Variants in GMDS observed in about 807,000 individuals in gnomAD.
GMDS encodes the protein GDP-mannose 4,6-dehydratase.
Under a neutral mutation model 49.9 loss-of-function variants are expected in GMDS, and 20 were observed. That is an observed-to-expected ratio of 0.40 (90% confidence interval 0.28 to 0.58). The LOEUF (loss-of-function observed/expected upper bound fraction) is 0.58, where lower values mean the gene tolerates loss of function less well. Among genes scored for constraint, GMDS ranks in the 20% least tolerant of loss-of-function variants. The pLI, the probability that GMDS is intolerant of heterozygous loss-of-function variation, is 0.42. For missense variants in GMDS, 362 were observed against 481.4 expected, an observed-to-expected ratio of 0.75 and a Z score of 2.32; for synonymous variants, 177 against 178.6, an observed-to-expected ratio of 0.99 and a Z score of 0.07.
intron 7 of GMDS, among the ~76,000 whole-genome samples, chr6:1,841,130 A>G (rs1757136353): frequency 6.6e-6 from 1 of 152,188 alleles, no homozygotes; most frequent in Non-Finnish European, 1.5e-5. Context: ...ATAGTGATAT[A>G]AAAAGATCCT....
chr6:1,729,706 G>A (rs929705169), intron 8 of GMDS, among the ~76,000 whole-genome samples: 2 of 152,236 alleles, frequency 1.3e-5, no homozygotes, highest in African/African-American at 4.8e-5. Flanking sequence ...TGACAGAGAG[G>A]AGAGGATTCG....
intron 7 of GMDS, among the ~76,000 whole-genome samples, chr6:1,804,855 T>C (rs1439692033): frequency 1.3e-5 from 2 of 152,358 alleles, no homozygotes; most frequent in East Asian, 3.9e-4. Flanking sequence ...AAGTCATCTC[T>C]GCCAAACTTT....
intron 4 of GMDS, among the ~76,000 whole-genome samples, chr6:2,090,756 C>A (rs1773272884): frequency 6.6e-6 from 1 of 152,142 alleles, no homozygotes; most frequent in Non-Finnish European, 1.5e-5. Context: ...TCTTCTGCAA[C>A]TGAAGTGGAA....
intron 1 of GMDS, among the ~76,000 whole-genome samples, chr6:2,202,556 G>A (rs897787631): frequency 6.6e-6 from 1 of 152,052 alleles, no homozygotes; most frequent in Admixed American, 6.6e-5. Flanking sequence ...TGCAGAGGAG[G>A]GGACAGGCTG....
chr6:2,098,444 T>A (rs559157942), intron 4 of GMDS, among the ~76,000 whole-genome samples: 1 of 152,222 alleles, frequency 6.6e-6, no homozygotes, highest in Non-Finnish European at 1.5e-5. Flanking sequence ...TTAGCTATCA[T>A]AGATTAACAA....
At chr6:2,240,465 A>G (rs1461797508) in intron 1 of GMDS, among the ~76,000 whole-genome samples, 1 of 152,168 alleles carries the variant, frequency 6.6e-6, no homozygotes, top group Non-Finnish European at 1.5e-5. Context: ...AGAGCTAAGC[A>G]GTAATTCAAA....
chr6:2,040,139 A>G (rs567758789), intron 4 of GMDS, among the ~76,000 whole-genome samples: 16 of 152,298 alleles, frequency 1.1e-4, no homozygotes, highest in African/African-American at 3.6e-4. Flanking sequence ...TCTAAGCCCA[A>G]TGGCTCCTCA....
chr6:1,640,095 G>A lies in GMDS; in HGVS notation c.988-15555C>T, dbSNP rs146346295. ...CTCCTGCCACTGCACAGTCAGTGAC[G>A]GCTCTACTGGGGCCCAGGGGATGCA... On this transcript the variant is annotated intron_variant, in intron 9 of 10. Coordinates refer to ENST00000380815, the MANE Select transcript of GMDS (RefSeq NM_001500.4). The surrounding 1 kb of genome is among the most constrained non-coding windows in gnomAD (Gnocchi z 4.0). 4.6e-5 allele frequency among the ~76,000 whole-genome samples: 7 copies of A among 152,158 alleles called. No individual in the cohort carries two copies. The highest frequency in any genetic ancestry group is 7.4e-5 in the Non-Finnish European group (5 of 68,024).
chr6:1,663,177 AC>A (rs1764134406), intron 9 of GMDS, among the ~76,000 whole-genome samples: 2 of 152,206 alleles, frequency 1.3e-5, no homozygotes, highest in African/African-American at 4.8e-5. Context: ...CTTTTCTAGA[AC>A]ATGCACTGAT....
chr6:1,869,590 T>C (rs2113800181), intron 7 of GMDS, among the ~76,000 whole-genome samples: 1 of 152,340 alleles, frequency 6.6e-6, no homozygotes, highest in South Asian at 2.1e-4. Flanking sequence ...CCTTCAGATA[T>C]TCAGGCAGTT....
intron 4 of GMDS, among the ~76,000 whole-genome samples, chr6:2,079,017 G>GACT (rs1772508004): frequency 4.3e-5 from 1 of 23,206 alleles, no homozygotes; most frequent in Admixed American, 4.5e-4. Context: ...TAATGACCTT[G>GACT]TCTTTTTTTT....
intron 4 of GMDS, among the ~76,000 whole-genome samples, chr6:2,066,177 T>A (rs1376675027): frequency 6.7e-6 from 1 of 149,910 alleles, no homozygotes; most frequent in African/African-American, 2.4e-5. Context: ...CTAAGCTTCA[T>A]AAGTGAAGGA....
intron 9 of GMDS, among the ~76,000 whole-genome samples, chr6:1,665,384 C>T (rs1240730442): frequency 6.6e-6 from 1 of 151,950 alleles, no homozygotes; most frequent in African/African-American, 2.4e-5. Flanking sequence ...AAATGTATAA[C>T]CATGATTGCT....
intron 6 of GMDS, among the ~76,000 whole-genome samples, chr6:1,956,135 G>C (rs1763624518): frequency 6.6e-6 from 1 of 152,162 alleles, no homozygotes; most frequent in African/African-American, 2.4e-5. Context: ...GCTACCATAG[G>C]AGAAACCCAC....
At chr6:1,709,020 T>C (rs539669609) in intron 9 of GMDS, among the ~76,000 whole-genome samples, 1 of 152,336 alleles carries the variant, frequency 6.6e-6, no homozygotes, top group African/African-American at 2.4e-5. Context: ...AGCTGTCTGA[T>C]GTCCCCTGAT....
chr6:2,169,694 A>G (rs562827624), intron 1 of GMDS, among the ~76,000 whole-genome samples: 2 of 152,296 alleles, frequency 1.3e-5, no homozygotes, highest in Admixed American at 1.3e-4. Context: ...CATCAGAAGA[A>G]TAACTTATTT....
intron 7 of GMDS, among the ~76,000 whole-genome samples, chr6:1,854,535 T>C (rs1166797781): frequency 6.6e-6 from 1 of 152,222 alleles, no homozygotes; most frequent in East Asian, 1.9e-4. Flanking sequence ...GAGACATCTG[T>C]GATTGTCACA....
chr6:2,105,779 G>C (rs1375187662), intron 4 of GMDS, among the ~76,000 whole-genome samples: 4 of 152,132 alleles, frequency 2.6e-5, no homozygotes, highest in Non-Finnish European at 4.4e-5. Context: ...TTTTTACCCT[G>C]ATATACCAAA....
chr6:1,716,840 C>T (rs1454670880), intron 9 of GMDS, among the ~76,000 whole-genome samples: 1 of 152,224 alleles, frequency 6.6e-6, no homozygotes, highest in East Asian at 1.9e-4. Context: ...TGCTCTAAAA[C>T]TCCCCTTTAT....
Sources: gnomAD v4.1 joint callset for allele counts (sites outside exome capture counted in the v4.1 genomes callset) on GRCh38, gnomAD v4.1.1 for gene constraint, Gnocchi (gnomAD v3.1) non-coding constraint, MANE v1.5 for transcripts, NCBI Gene and HGNC (gene_info 2026-07-23, HGNC 2026-07-21) for gene names.